GMDS: variants seen among roughly 807,000 people sequenced by gnomAD.
GMDS encodes GDP-mannose 4,6-dehydratase.
Under a neutral mutation model 49.9 loss-of-function variants are expected in GMDS, and 20 were observed. The ratio of observed to expected loss-of-function variants is 0.40; its 90% CI spans 0.28 to 0.58. The LOEUF (loss-of-function observed/expected upper bound fraction) is 0.58, where lower values mean the gene tolerates loss of function less well. Among genes scored for constraint, GMDS ranks in the 20% least tolerant of loss-of-function variants. GMDS has a pLI of 0.42. For synonymous variants in GMDS, 177 were observed against 178.6 expected (o/e 0.99, Z 0.07); for missense variants, 362 against 481.4 (o/e 0.75, Z 2.32).
At chr6:2,101,262 A>G (rs980000711) in intron 4 of GMDS, among the ~76,000 whole-genome samples, 10 of 151,924 alleles carry the variant, frequency 6.6e-5, no homozygotes, top group African/African-American at 2.4e-4. Flanking sequence ...AACTTGGGAA[A>G]GTTCTTAGGA....
intron 7 of GMDS, among the ~76,000 whole-genome samples, chr6:1,874,725 A>G (rs538136123): frequency 1.3e-5 from 2 of 152,206 alleles, no homozygotes; most frequent in Non-Finnish European, 1.5e-5. Context: ...AAGTCCTCAT[A>G]TATGCGCTGA....
chr6:1,807,097 C>A (rs978689215), intron 7 of GMDS, among the ~76,000 whole-genome samples: 6 of 151,856 alleles, frequency 4.0e-5, no homozygotes, highest in Non-Finnish European at 7.4e-5. Flanking sequence ...GGCTGGAGTG[C>A]GGTGTGGCAA....
intron 4 of GMDS, among the ~76,000 whole-genome samples, chr6:2,094,490 T>G (rs1245578536): frequency 6.6e-6 from 1 of 152,230 alleles, no homozygotes; most frequent in Non-Finnish European, 1.5e-5. Context: ...AATTCTAGAC[T>G]GCTGAAAAGA....
intron 1 of GMDS, among the ~76,000 whole-genome samples, chr6:2,182,183 T>C (rs1778578029): frequency 6.6e-6 from 1 of 152,250 alleles, no homozygotes; most frequent in Non-Finnish European, 1.5e-5. Context: ...TCTAACTCTC[T>C]TCAATTCTAT....
intron 1 of GMDS, among the ~76,000 whole-genome samples, chr6:2,157,165 C>T (rs1435782042): frequency 6.6e-6 from 1 of 152,188 alleles, no homozygotes; most frequent in Non-Finnish European, 1.5e-5. Flanking sequence ...TCAAACTTTA[C>T]TTGTGCATCC....
intron 4 of GMDS, among the ~76,000 whole-genome samples, chr6:2,042,492 C>A (rs1279168128): frequency 6.6e-6 from 1 of 152,142 alleles, no homozygotes; most frequent in African/African-American, 2.4e-5. Flanking sequence ...AGGCTATACA[C>A]CTCTCTCCAA....
chr6:2,100,453 C>T (rs886901898), intron 4 of GMDS, among the ~76,000 whole-genome samples: 4 of 152,022 alleles, frequency 2.6e-5, no homozygotes, highest in Non-Finnish European at 2.9e-5. Context: ...TATCATTACA[C>T]TGATGTTTCA....
At chr6:1,967,832 C>A (rs1052845412) in intron 4 of GMDS, among the ~76,000 whole-genome samples, 20 of 152,272 alleles carry the variant, frequency 1.3e-4, no homozygotes, top group African/African-American at 4.8e-4. Context: ...CAAACAGATA[C>A]CCAAAGAATT....
chr6:1,693,593 G>T (rs1043412609), intron 9 of GMDS, among the ~76,000 whole-genome samples: 3 of 152,206 alleles, frequency 2.0e-5, no homozygotes, highest in African/African-American at 7.2e-5. Flanking sequence ...TGTTGTTGTT[G>T]TTGTTGTTTT....
At chr6:1,768,887 A>G (rs143022218) in intron 7 of GMDS, among the ~76,000 whole-genome samples, 6 of 152,334 alleles carry the variant, frequency 3.9e-5, no homozygotes, top group Admixed American at 3.9e-4. Context: ...ACAGACTAAA[A>G]GAGTTATGCT....
At chr6:1,743,659 A>G (rs1767373063) in intron 7 of GMDS, among the ~76,000 whole-genome samples, 1 of 152,048 alleles carries the variant, frequency 6.6e-6, no homozygotes. Context: ...GCACCAGCGC[A>G]GCCCCGCTCC....
chr6:1,990,643 C>A (rs1201374587), intron 4 of GMDS, among the ~76,000 whole-genome samples: 10 of 152,120 alleles, frequency 6.6e-5, no homozygotes, highest in African/African-American at 2.2e-4. Context: ...GACACAACCT[C>A]GGCTCATTCT....
intron 4 of GMDS, among the ~76,000 whole-genome samples, chr6:2,080,455 ATTTAC>A (rs1281550537): frequency 1.3e-5 from 2 of 152,150 alleles, no homozygotes; most frequent in South Asian, 4.1e-4. Flanking sequence ...AATTTTTTGA[ATTTAC>A]TTTAACAGGG....
Position 1,778,182 on chromosome 6 carries a change from G to C in GMDS, c.772-35596C>G, listed in dbSNP as rs777868209. ...TAGACTGGCCTTCTCAACACCTCACGAAAAGCGCCCTTGGGTCTCATTTTG... is the reference window on the plus strand; with the variant it reads ...TAGACTGGCCTTCTCAACACCTCACCAAAAGCGCCCTTGGGTCTCATTTTG... On this transcript the variant is annotated intron_variant, in intron 7 of 10. Coordinates refer to ENST00000380815, the MANE Select transcript of GMDS (RefSeq NM_001500.4). The surrounding 1 kb of genome is among the most constrained non-coding windows in gnomAD (Gnocchi z 4.6). 6.6e-6 allele frequency among the ~76,000 whole-genome samples: 1 copy of C among 152,130 alleles called. No individual in the cohort carries two copies. Among genetic ancestry groups the C allele is most frequent in the African/African-American group, 2.4e-5 (1 of 41,402 alleles).
chr6:2,200,463 GA>G (rs1779464470), intron 1 of GMDS, among the ~76,000 whole-genome samples: 1 of 150,978 alleles, frequency 6.6e-6, no homozygotes, highest in Non-Finnish European at 1.5e-5. Flanking sequence ...TGTTAGCAGA[GA>G]GGTGAAGGAT....
chr6:2,061,131 C>A (rs1203602088), intron 4 of GMDS, among the ~76,000 whole-genome samples: 3 of 152,086 alleles, frequency 2.0e-5, no homozygotes, highest in African/African-American at 4.8e-5. Flanking sequence ...CCTGGGTCTG[C>A]AAGAAGGCCA....
chr6:2,127,034 C>T (rs779814998), intron 1 of GMDS, among the ~76,000 whole-genome samples: 1 of 152,124 alleles, frequency 6.6e-6, no homozygotes, highest in Non-Finnish European at 1.5e-5. Context: ...TTTTTAATCC[C>T]ATTCTTACAA....
intron 1 of GMDS, among the ~76,000 whole-genome samples, chr6:2,168,391 C>G (rs1468467767): frequency 6.6e-6 from 1 of 152,198 alleles, no homozygotes; most frequent in Non-Finnish European, 1.5e-5. Context: ...AAACAAGGAG[C>G]AAAGCAAAAG....
chr6:2,240,362 C>T (rs1366499661), intron 1 of GMDS, among the ~76,000 whole-genome samples: 2 of 152,210 alleles, frequency 1.3e-5, no homozygotes, highest in African/African-American at 4.8e-5. Context: ...AAGGCCACTA[C>T]TATGTGCAGA....
Sources: allele counts gnomAD v4.1 joint callset (sites outside exome capture counted in the v4.1 genomes callset), GRCh38; gene constraint gnomAD v4.1.1; non-coding constraint Gnocchi (gnomAD v3.1); transcripts MANE v1.5; gene names NCBI Gene and HGNC (gene_info 2026-07-23, HGNC 2026-07-21).